Variants in ZDHHC4 observed in about 807,000 individuals in gnomAD.
ZDHHC4 encodes the protein zDHHC palmitoyltransferase 4.
A neutral mutation model predicts 36.7 loss-of-function variants in ZDHHC4; 42 were observed. The ratio of observed to expected loss-of-function variants is 1.14; its 90% CI spans 0.89 to 1.48. The LOEUF (loss-of-function observed/expected upper bound fraction) is 1.48, where lower values mean the gene tolerates loss of function less well. ZDHHC4 is among the 40% of genes most tolerant of loss of function. The pLI is 0.00. For synonymous variants in ZDHHC4, 189 were observed against 166.6 expected (o/e 1.13, Z -1.03); for missense variants, 457 against 421.5 (o/e 1.08, Z -0.74).
At chr7:6,581,441 A>G (rs990586737) in intron 3 of ZDHHC4, among the ~76,000 whole-genome samples, 166 bp from the exon 4 acceptor site, 1 of 152,248 alleles carries the variant, frequency 6.6e-6, no homozygotes, top group African/African-American at 2.4e-5. Context: ...AAAGACCAGT[A>G]GAAAGAATTC....
At chr7:6,586,119 C>CTCCA (rs748117890) in intron 7 of ZDHHC4, among the ~76,000 whole-genome samples, 141 of 151,712 alleles carry the variant, frequency 9.3e-4, no homozygotes, top group Non-Finnish European at 1.4e-3. Context: ...TGCCATTGCA[C>CTCCA]TCCAGCCTGG....
chr7:6,584,246 G>C (rs188784868), intron 6 of ZDHHC4: 1 of 152,194 alleles, frequency 6.6e-6, no homozygotes, highest in African/African-American at 2.4e-5. Flanking sequence ...AATCTGGTGT[G>C]TATCTTACAT....
chr7:6,589,200 G>T lies in ZDHHC4; in HGVS notation c.*290G>T. On this transcript the variant is annotated 3_prime_UTR_variant, in exon 8 of 8. Transcript: ENST00000335965. ...CTCTAAACTCTGGGCATGTGGACAG[G>T]AGGGGCTTGCGGCCGTGTCTCTGAC... 1 of 403,794 alleles carries T rather than the reference G, an allele frequency of 2.5e-6. No individual in the cohort carries two copies. Among genetic ancestry groups the T allele is most frequent in the Non-Finnish European group, 4.6e-6 (1 of 216,090 alleles). The allele number at this position is 403,794 out of a possible 1,614,324, so 25.0% of individuals were successfully genotyped here.
chr7:6,581,465 C>G, intron 3 of ZDHHC4, 142 bp from the exon 4 acceptor site: 1 of 672,680 alleles, frequency 1.5e-6, no homozygotes, highest in Admixed American at 2.8e-5. Flanking sequence ...TCTTTATTCT[C>G]TGCTAAATCA....
rs1426707614 is a variant in ZDHHC4, at chr7:6,577,518, G to C, written c.-163+20G>C. ...CTGGCGGTAAGGCCGCCTCCGCGGG[G>C]CTGTGGGAAGCTTGGGCTGTCCCAG... On this transcript the variant is annotated intron_variant, in intron 1 of 7. Transcript: ENST00000335965. 1 of 152,240 alleles carries C rather than the reference G, an allele frequency of 6.6e-6. No homozygotes were observed. The highest frequency in any genetic ancestry group is 2.4e-5 in the African/African-American group (1 of 41,470). 9.4% of individuals were successfully genotyped at this position (152,240 alleles called of 1,614,324 possible). A position where few individuals can be genotyped will look rare whatever the true frequency, so the allele number is the denominator to read the frequency against.
Position 6,583,315 on chromosome 7 carries a change from C to T in ZDHHC4, c.380C>T (p.Thr127Ile), listed in dbSNP as rs1780996426. Residue 127 changes from threonine (T) to isoleucine (I), a missense_variant, in exon 6 of 8, where the codon ACA becomes ATA. Transcript: ENST00000335965. The part of the protein sequence containing the change: ...LTCGTNPGII[T>I]KANELLFLHV... Reference sequence around the variant, plus strand: ...TCCTTACTTTTCCCAGGCATTATAACAAAAGCAAATGAATTATTATTTCTT... The same window carrying T: ...TCCTTACTTTTCCCAGGCATTATAATAAAAGCAAATGAATTATTATTTCTT... The T allele has an allele frequency of 1.2e-6, 2 of 1,613,690 alleles. No homozygotes were observed. Among genetic ancestry groups the T allele is most frequent in the South Asian group, 1.1e-5 (1 of 90,988 alleles).
intron 6 of ZDHHC4, chr7:6,583,662 C>G: frequency 2.2e-6 from 1 of 461,150 alleles, no homozygotes; most frequent in South Asian, 4.3e-5. Flanking sequence ...CCTTCCCTCG[C>G]CACGTGGCAG....
In ZDHHC4 at chr7:6,585,875, G is replaced by C. The variant is rs570646882; in HGVS notation, c.741+615G>C. On this transcript the variant is annotated intron_variant, in intron 7 of 7. Coordinates refer to ENST00000335965, the MANE Select transcript of ZDHHC4 (RefSeq NM_001134389.2). ...ATATAAAATTCACATATTGGGCCAG[G>C]CATGGTGGCTCACAGCTGTAATCCC... is the stretch of plus-strand genomic sequence containing the variant. Among the ~76,000 whole-genome samples the C allele has an allele frequency of 2.0e-5, 3 of 152,176 alleles. No individual in the cohort carries two copies. In the East Asian group the frequency reaches 5.8e-4, roughly 30 times the overall value.
chr7:6,579,361 C>T (rs374225527), intron 2 of ZDHHC4, among the ~76,000 whole-genome samples: 13 of 152,032 alleles, frequency 8.6e-5, no homozygotes, highest in African/African-American at 3.1e-4. Flanking sequence ...CCACCACGCC[C>T]GGTTAATTTT....
In ZDHHC4 at chr7:6,588,642, T is replaced by C; in HGVS notation, c.767T>C (p.Ile256Thr). 2 of 1,614,144 alleles carry C rather than the reference T, an allele frequency of 1.2e-6. No homozygotes were observed. The highest frequency in any genetic ancestry group is 1.7e-6 in the Non-Finnish European group (2 of 1,180,018). Residue 256 changes from isoleucine to threonine, a missense_variant, in exon 8 of 8, where the codon ATT becomes ACT. By Grantham distance (89) the Ile-to-Thr change is moderately conservative (BLOSUM62 -1). Coordinates refer to ENST00000335965, the MANE Select transcript of ZDHHC4 (RefSeq NM_001134389.2). ...TACCTGTTCCTGACTTTTCCACGGA[T>C]TGTCTTCATGCTGGGCTTTGTCGTG... ...IQYLFLTFPR[I>T]VFMLGFVVVL...
rs1377340869 is a variant in ZDHHC4, at chr7:6,588,624, T to C, written c.749T>C (p.Phe250Ser). Residue 250 changes from phenylalanine (F) to serine (S), a missense_variant, in exon 8 of 8, where the codon TTC (phenylalanine) becomes TCC (serine). Transcript: ENST00000335965. ...MDTVFLIQYL[F>S]LTFPRIVFML... Reference sequence around the variant, plus strand: ...CCTTTTCTCTGCTCCTAGTACCTGTTCCTGACTTTTCCACGGATTGTCTTC... The same window carrying C: ...CCTTTTCTCTGCTCCTAGTACCTGTCCCTGACTTTTCCACGGATTGTCTTC... The C allele has an allele frequency of 1.2e-6, 2 of 1,614,120 alleles. No homozygotes were observed. The highest frequency in any genetic ancestry group is 1.7e-6 in the Non-Finnish European group (2 of 1,180,018).
chr7:6,581,596 T>C lies in ZDHHC4; in HGVS notation c.118-11T>C, dbSNP rs199720879. 4 of 1,602,946 alleles carry C rather than the reference T, an allele frequency of 2.5e-6. No homozygotes were observed. The highest frequency in any genetic ancestry group is 3.4e-6 in the Non-Finnish European group (4 of 1,170,446). On this transcript the variant is annotated splice_polypyrimidine_tract_variant and intron_variant, in intron 3 of 7. Transcript: ENST00000335965. ...AATGAAATTGAGTCTTTCTCTTTCC[T>C]TTTGTTTCAGATATTTTCCTGTATA...
chr7:6,586,727 C>T (rs377222635), intron 7 of ZDHHC4, among the ~76,000 whole-genome samples: 8 of 152,296 alleles, frequency 5.3e-5, no homozygotes, highest in Non-Finnish European at 7.4e-5. Context: ...CCACCCGCCT[C>T]GGCCTCCCAA....
chr7:6,579,243 C>T (rs1780669508), intron 2 of ZDHHC4, among the ~76,000 whole-genome samples: 1 of 151,556 alleles, frequency 6.6e-6, no homozygotes, highest in Non-Finnish European at 1.5e-5. Flanking sequence ...CTCTGTTGCC[C>T]AGGCTGGAGT....
In ZDHHC4 at chr7:6,583,392, A is replaced by G; in HGVS notation, c.457A>G (p.Thr153Ala). 2 of 1,613,864 alleles carry G rather than the reference A, an allele frequency of 1.2e-6. No individual in the cohort carries two copies. Among genetic ancestry groups the G allele is most frequent in the Non-Finnish European group, 1.7e-6 (2 of 1,179,840 alleles). The change falls in exon 6 of 8, where the codon ACT (threonine) becomes GCT (alanine). Residue 153 changes from threonine to alanine, a missense_variant. Thr to Ala is a moderately conservative substitution (Grantham distance 58). Coordinates refer to ENST00000335965, the MANE Select transcript of ZDHHC4 (RefSeq NM_001134389.2). Reference sequence around the variant, plus strand: ...GTTTCCAAAGAACGTGAGGTGCTCTACTTGTGATTTAAGGAAACCAGCTCG... The same window carrying G: ...GTTTCCAAAGAACGTGAGGTGCTCTGCTTGTGATTTAAGGAAACCAGCTCG... ...VMFPKNVRCSTCDLRKPARSK... is the reference protein window; with the variant it reads ...VMFPKNVRCSACDLRKPARSK...
chr7:6,577,492 G>C lies in ZDHHC4; in HGVS notation c.-169G>C, dbSNP rs1238639100. The C allele has an allele frequency of 6.6e-6, 1 of 152,208 alleles. No individual in the cohort carries two copies. Among genetic ancestry groups the C allele is most frequent in the Non-Finnish European group, 1.5e-5 (1 of 68,044 alleles). 9.4% of individuals were successfully genotyped at this position (152,208 alleles called of 1,614,324 possible). A position where few individuals can be genotyped will look rare whatever the true frequency, so the allele number is the denominator to read the frequency against. On this transcript the variant is annotated 5_prime_UTR_variant, in exon 1 of 8. Transcript: ENST00000335965. ...GCCCGGGAGGCGCCGGAGCCCAGCGGCTGGCGGTAAGGCCGCCTCCGCGGG... is the reference window on the plus strand; with the variant it reads ...GCCCGGGAGGCGCCGGAGCCCAGCGCCTGGCGGTAAGGCCGCCTCCGCGGG...
At chr7:6,581,755 A>G (rs1040235118) in intron 4 of ZDHHC4, 75 bp downstream of exon 4, 7 of 1,244,862 alleles carry the variant, frequency 5.6e-6, no homozygotes, top group Non-Finnish European at 8.0e-6. Flanking sequence ...CTCTAGCTTC[A>G]GGAAGCTCCT....
chr7:6,580,993 C>T (rs1474534549), intron 3 of ZDHHC4: 3 of 341,786 alleles, frequency 8.8e-6, no homozygotes, highest in South Asian at 6.7e-5. Context: ...TATTCCACAG[C>T]CTCTGTCTGT....
At chr7:6,580,066 C>T (rs932289358) in intron 2 of ZDHHC4, among the ~76,000 whole-genome samples, 4 of 151,836 alleles carry the variant, frequency 2.6e-5, no homozygotes, top group African/African-American at 4.8e-5. Flanking sequence ...ACCTGGGAGG[C>T]GGAGGTTGCA....
Sources: allele counts gnomAD v4.1 joint callset (sites outside exome capture counted in the v4.1 genomes callset), GRCh38; gene constraint gnomAD v4.1.1; transcripts MANE v1.5; gene names NCBI Gene and HGNC (gene_info 2026-07-23, HGNC 2026-07-21).